The following ICA1 variants were observed in gnomAD, a reference collection of about 807,000 sequenced individuals.
The protein encoded by ICA1 is islet cell autoantigen 1, also known as 69 kDa islet cell autoantigen.
In ICA1, 40 loss-of-function variants were observed where a neutral mutation model predicts 71.0. That is an observed-to-expected ratio of 0.56 (90% confidence interval 0.44 to 0.73). The LOEUF is 0.73. Among genes scored for constraint, ICA1 ranks in the 30% least tolerant of loss-of-function variants. The pLI is 0.00. For synonymous variants in ICA1, 207 were observed against 209.5 expected, an observed-to-expected ratio of 0.99 and a Z score of 0.10; for missense variants, 578 against 576.5, an observed-to-expected ratio of 1.00 and a Z score of -0.03.
In ICA1 at chr7:8,143,982, GA is replaced by G; in HGVS notation, c.805-11del. ...TAGGGTCTTGTAAGCTCTTGATCAC[GA>G]GCCATAGAAAAATGAAAAAGAAAAA... On this transcript the variant is annotated splice_polypyrimidine_tract_variant and intron_variant, in intron 8 of 13. Coordinates refer to ENST00000402384, the MANE Select transcript of ICA1 (RefSeq NM_001136020.3). 7.2e-7 allele frequency: 1 copy of G among 1,381,908 alleles called. No homozygotes were observed. The highest frequency in any genetic ancestry group is 1.0e-6 in the Non-Finnish European group (1 of 986,010). 85.6% of individuals were successfully genotyped at this position (1,381,908 alleles called of 1,614,324 possible).
rs1406654031 is a variant in ICA1 at position 8,222,436 on chromosome 7, T to C, written c.257-1038A>G. ...TCTGTATTGATGTATTTACATACCC[T>C]GTGTCTCTAAAACTGCTTTCTAAAT... On this transcript the variant is annotated intron_variant, in intron 4 of 13. Coordinates refer to ENST00000402384, the MANE Select transcript of ICA1 (RefSeq NM_001136020.3). This position sits in a 1 kb window ranked among gnomAD's most constrained non-coding sequence, Gnocchi z 4.8. 6.6e-6 allele frequency among the ~76,000 whole-genome samples: 1 copy of C among 152,210 alleles called. No homozygotes were observed. Among genetic ancestry groups the C allele is most frequent in the Non-Finnish European group, 1.5e-5 (1 of 68,036 alleles).
intron 13 of ICA1, among the ~76,000 whole-genome samples, chr7:8,122,142 C>T (rs1787217150): frequency 6.6e-6 from 1 of 152,168 alleles, no homozygotes; most frequent in Non-Finnish European, 1.5e-5. Context: ...GAAGGGAGAG[C>T]ATGTGCCAAG....
intron 6 of ICA1, among the ~76,000 whole-genome samples, chr7:8,166,893 C>G (rs989052834): frequency 5.4e-4 from 2 of 3,732 alleles, no homozygotes; most frequent in Non-Finnish European, 7.4e-4. Context: ...TGCTCAACAT[C>G]ACTAATCATA....
In ICA1 at chr7:8,238,448, T is replaced by C. The variant is rs114076822; in HGVS notation, c.-79-2443A>G. 6.0e-3 allele frequency among the ~76,000 whole-genome samples: 907 copies of C among 152,344 alleles called. 12 individuals are homozygous for C. Among genetic ancestry groups the C allele is most frequent in the African/African-American group, 0.02 (839 of 41,580 alleles). Reference sequence around the variant, plus strand: ...TATATTTTCTTTGGAGAAATGTCTATGCAGGTCTTTTGCCCATTTTTAAAT... The same window carrying C: ...TATATTTTCTTTGGAGAAATGTCTACGCAGGTCTTTTGCCCATTTTTAAAT... On this transcript the variant is annotated intron_variant, in intron 1 of 13. Transcript: ENST00000402384.
At chr7:8,128,916 GA>G (rs757414397) in intron 12 of ICA1, among the ~76,000 whole-genome samples, 27 of 152,200 alleles carry the variant, frequency 1.8e-4, no homozygotes, top group Non-Finnish European at 3.2e-4. Flanking sequence ...AGACCCCCTT[GA>G]GCCTCTGTTT....
intron 6 of ICA1, among the ~76,000 whole-genome samples, chr7:8,205,509 G>C (rs927410932): frequency 6.6e-6 from 1 of 152,178 alleles, no homozygotes; most frequent in African/African-American, 2.4e-5. Flanking sequence ...GTGTGGTTTA[G>C]AATCTGCATG....
At chr7:8,182,057 C>T (rs867563645) in intron 6 of ICA1, among the ~76,000 whole-genome samples, 22 of 152,232 alleles carry the variant, frequency 1.4e-4, no homozygotes, top group African/African-American at 5.3e-4. Flanking sequence ...CTTGACTATG[C>T]CATTTCTTCC....
chr7:8,153,836 AATAT>A (rs33924786), intron 8 of ICA1, among the ~76,000 whole-genome samples: 11 of 137,136 alleles, frequency 8.0e-5, no homozygotes, highest in Middle Eastern at 3.8e-3. Context: ...ACTCATGCAG[AATAT>A]ATATATATAT....
At chr7:8,211,155 A>G (rs1228412495) in intron 6 of ICA1, among the ~76,000 whole-genome samples, 2 of 152,114 alleles carry the variant, frequency 1.3e-5, no homozygotes, top group East Asian at 3.8e-4. Flanking sequence ...GCTGAGGCCA[A>G]CCTCCCAGAG....
In ICA1 at chr7:8,247,370, G is replaced by A. The variant is rs1025734274; in HGVS notation, c.-79-11365C>T. On this transcript the variant is annotated intron_variant, in intron 1 of 13. Transcript: ENST00000402384. ...AGCTACTCAGGAGGCTGACATGGGAGGATCAATCGAGCCCAGGAGGTCAAG... is the reference window on the plus strand; with the variant it reads ...AGCTACTCAGGAGGCTGACATGGGAAGATCAATCGAGCCCAGGAGGTCAAG... Among the ~76,000 whole-genome samples, 4 of 152,138 alleles carry A rather than the reference G, an allele frequency of 2.6e-5. No homozygotes were observed. In the East Asian group the frequency reaches 7.7e-4, roughly 29 times the overall value.
chr7:8,244,747 AG>A lies in ICA1; in HGVS notation c.-79-8743del, dbSNP rs566326774. On this transcript the variant is annotated intron_variant, in intron 1 of 13. Coordinates refer to ENST00000402384, the MANE Select transcript of ICA1 (RefSeq NM_001136020.3). ...AACAACCCCATCAAAAAGTGGGCAA[AG>A]GATATGAACAGACACTTCACAAAAG... Among the ~76,000 whole-genome samples the A allele has an allele frequency of 4.2e-3, 643 of 152,360 alleles. 5 individuals are homozygous for A. Among genetic ancestry groups the A allele is most frequent in the African/African-American group, 0.014 (568 of 41,582 alleles).
At chr7:8,152,340 T>C (rs1799097115) in intron 8 of ICA1, among the ~76,000 whole-genome samples, 1 of 152,094 alleles carries the variant, frequency 6.6e-6, no homozygotes, top group South Asian at 2.1e-4. Flanking sequence ...CTCTCCTGTA[T>C]TGATGCTTCG....
chr7:8,222,233 T>C lies in ICA1; in HGVS notation c.257-835A>G, dbSNP rs1196289308. Among the ~76,000 whole-genome samples, 5 of 152,096 alleles carry C rather than the reference T, an allele frequency of 3.3e-5. No homozygotes were observed. The highest frequency in any genetic ancestry group is 1.3e-4 in the Admixed American group (2 of 15,256). On this transcript the variant is annotated intron_variant, in intron 4 of 13. Coordinates refer to ENST00000402384, the MANE Select transcript of ICA1 (RefSeq NM_001136020.3). This position sits in a 1 kb window ranked among gnomAD's most constrained non-coding sequence, Gnocchi z 4.8. ...TAATAGTGAAACACTCTCCTTATAC[T>C]AGGAACTAGTTTAATAAAATACAGC...
In ICA1 at chr7:8,243,776, GACAA is replaced by G. The variant is rs542429154; in HGVS notation, c.-79-7775_-79-7772del. On this transcript the variant is annotated intron_variant, in intron 1 of 13. Coordinates refer to ENST00000402384, the MANE Select transcript of ICA1 (RefSeq NM_001136020.3). ...TAAGCGTTCCTATACACCAATAACA[GACAA>G]ACAGAGAGCCAAATCATGAGTGAAC... Among the ~76,000 whole-genome samples the G allele has an allele frequency of 1.4e-3, 217 of 152,200 alleles. 1 individual carries two copies. The highest frequency in any genetic ancestry group is 4.9e-3 in the African/African-American group (202 of 41,542).
chr7:8,253,411 G>A (rs540676217), intron 1 of ICA1, among the ~76,000 whole-genome samples: 94 of 152,220 alleles, frequency 6.2e-4, no homozygotes, highest in African/African-American at 2.2e-3. Context: ...GCTACTATAA[G>A]ACCATCAGAA....
Position 8,232,754 on chromosome 7 carries a change from T to C in ICA1, c.19A>G (p.Ser7Gly). Residue 7 changes from serine to glycine, a missense_variant and splice_region_variant, in exon 3 of 14, where the codon AGT becomes GGT. Physicochemically the swap from Ser to Gly is moderately conservative, Grantham distance 56 (BLOSUM62 0). Transcript: ENST00000402384. ...CGATCCTGTAAGTCCCAGGGATAAC[T>C]GCTAAAAACATTTAAAGAACTATTT... is the stretch of plus-strand genomic sequence containing the variant. MSGHKC[S>G]YPWDLQDRYA... 6.3e-7 allele frequency: 1 copy of C among 1,583,510 alleles called. No homozygotes were observed. Among genetic ancestry groups the C allele is most frequent in the Non-Finnish European group, 8.6e-7 (1 of 1,166,826 alleles).
In ICA1 at chr7:8,223,785, C is replaced by CA. The variant is rs886265715; in HGVS notation, c.257-2388dup. ...CTCTATTACAAGAAGAAAGCAAAAA[C>CA]AAAAAAAGATAACTCAAAATGTTCT... On this transcript the variant is annotated intron_variant, in intron 4 of 13. Coordinates refer to ENST00000402384, the MANE Select transcript of ICA1 (RefSeq NM_001136020.3). This position sits in a 1 kb window ranked among gnomAD's most constrained non-coding sequence, Gnocchi z 4.1. Among the ~76,000 whole-genome samples the CA allele has an allele frequency of 6.6e-6, 1 of 151,708 alleles. No homozygotes were observed. Among genetic ancestry groups the CA allele is most frequent in the South Asian group, 2.1e-4 (1 of 4,808 alleles).
At chr7:8,157,695 A>ATTTTC (rs112428493) in intron 7 of ICA1, 126,645 of 139,832 alleles carry the variant, frequency 0.91, 58,104 homozygotes, top group East Asian at 0.96. Flanking sequence ...CCTAGTCTTA[A>ATTTTC]TTTTTTTTTT....
chr7:8,254,037 AT>A (rs1809157367), intron 1 of ICA1, among the ~76,000 whole-genome samples: 1 of 152,184 alleles, frequency 6.6e-6, no homozygotes, highest in South Asian at 2.1e-4. Flanking sequence ...TGATCAAGCA[AT>A]TTGTTATGAC....
Sources: allele counts gnomAD v4.1 joint callset (sites outside exome capture counted in the v4.1 genomes callset), GRCh38; gene constraint gnomAD v4.1.1; non-coding constraint Gnocchi (gnomAD v3.1); transcripts MANE v1.5; gene names NCBI Gene and HGNC (gene_info 2026-07-23, HGNC 2026-07-21).